The following CASP1 variants were observed in gnomAD, a reference collection of about 807,000 sequenced individuals.
CASP1 encodes the protein caspase 1.
In CASP1, 31 loss-of-function variants were observed where a neutral mutation model predicts 41.2. The observed-to-expected ratio is 0.75, with a 90% CI of 0.57 to 1.02. The LOEUF is 1.02. CASP1 is among the 50% of genes least tolerant of loss of function. The pLI is 0.00. For synonymous variants in CASP1, 163 were observed against 166.5 expected (o/e 0.98, Z 0.16); for missense variants, 490 against 495.7 (o/e 0.99, Z 0.11).
At chr11:105,035,618 G>GTTTTTTTTTTTTTTTTTTTTTTTTTTTT (rs56746743), upstream of CASP1, among the ~76,000 whole-genome samples, 24 of 103,418 alleles carry the variant, frequency 2.3e-4, no homozygotes, top group Non-Finnish European at 3.1e-4. Context: ...TTTTCTTTCT[G>GTTTTTTTTTTTTTTTTTTTTTTTTTTTT]TTTTTTTTTT....
chr11:105,026,723 T>G (rs1863314523), intron 8 of CASP1, 119 bp downstream of exon 8: 3 of 669,276 alleles, frequency 4.5e-6, no homozygotes, highest in Non-Finnish European at 8.0e-6. Context: ...CCAAAACTCT[T>G]TTGGAAAGAA....
At chr11:105,030,917 G>C (rs1445067450) in intron 4 of CASP1, 1 of 443,080 alleles carries the variant, frequency 2.3e-6, no homozygotes, top group African/African-American at 2.0e-5. Context: ...TTAGAACAAT[G>C]CCCATTCTTA....
In CASP1 at chr11:105,030,012, C is replaced by T; in HGVS notation, c.628-113G>A. The T allele has an allele frequency of 1.0e-5, 9 of 860,948 alleles. No individual in the cohort carries two copies. The South Asian group carries it at 1.5e-4, about 14-fold the overall frequency. The allele number at this position is 860,948 out of a possible 1,614,324, so 53.3% of individuals were successfully genotyped here. A position where few individuals can be genotyped will look rare whatever the true frequency, so the allele number is the denominator to read the frequency against. On this transcript the variant is annotated intron_variant, in intron 5 of 8. Transcript: ENST00000533400. Reference sequence around the variant, plus strand: ...TCTTAAGGAATTCCGTGACAAACAACAGGGTGCCAAAAAAAAATTTAGTCT... The same window carrying T: ...TCTTAAGGAATTCCGTGACAAACAATAGGGTGCCAAAAAAAAATTTAGTCT...
intron 2 of CASP1, chr11:105,033,770 G>T: frequency 2.5e-6 from 1 of 399,036 alleles, no homozygotes; most frequent in Non-Finnish European, 4.9e-6. Context: ...TCTTTTGGGA[G>T]GGTAAAATTT....
intron 2 of CASP1, chr11:105,033,870 T>C (rs762510937): frequency 1.6e-6 from 1 of 624,818 alleles, no homozygotes; most frequent in Non-Finnish European, 3.0e-6. Context: ...CCCCTTGCAC[T>C]CAGCAAAAAT....
chr11:105,028,878 G>A (rs1002984865), intron 7 of CASP1, among the ~76,000 whole-genome samples: 5 of 152,104 alleles, frequency 3.3e-5, no homozygotes, highest in South Asian at 2.1e-4. Flanking sequence ...AGCACATACC[G>A]TCTTCCATTT....
At position 105,034,467 on chromosome 11, in the gene CASP1, G is replaced by A. The variant is rs761161173; in HGVS notation, c.15C>T (p.Val5=). 6.2e-7 allele frequency: 1 copy of A among 1,613,956 alleles called. No individual in the cohort carries two copies. Among genetic ancestry groups the A allele is most frequent in the Non-Finnish European group, 8.5e-7 (1 of 1,179,936 alleles). ...TAAACAGCTTTCTCTTCTCCTTCAG[G>A]ACCTTGTCTGTTTAGAGCACAAGGA... The part of the protein sequence containing the change: MADK[V]LKEKRKLFIR... The change falls in exon 2 of 9, where the codon GTC becomes GTT. Residue 5 remains valine, a synonymous_variant. Coordinates refer to ENST00000533400, the MANE Select transcript of CASP1 (RefSeq NM_001257118.3).
In CASP1 at chr11:105,034,985, C is replaced by G. The variant is rs188332258; in HGVS notation, c.7+122G>C. On this transcript the variant is annotated intron_variant, in intron 1 of 8. Coordinates refer to ENST00000533400, the MANE Select transcript of CASP1 (RefSeq NM_001257118.3). Reference sequence around the variant, plus strand: ...AGTTCCTTCTCTCCTCCCTCTCCCCCCTTTTCCTTGCTTCTACTCAAGTAA... The same window carrying G: ...AGTTCCTTCTCTCCTCCCTCTCCCCGCTTTTCCTTGCTTCTACTCAAGTAA... 2.6e-5 allele frequency: 33 copies of G among 1,280,560 alleles called. No individual in the cohort carries two copies. In the Admixed American group the frequency reaches 2.8e-4, roughly 11 times the overall value. The allele number at this position is 1,280,560 out of a possible 1,614,324, so 79.3% of individuals were successfully genotyped here.
chr11:105,034,688 T>C (rs951779839), intron 1 of CASP1: 2 of 760,528 alleles, frequency 2.6e-6, no homozygotes, highest in African/African-American at 3.5e-5. Context: ...GAGTTTACCA[T>C]TTCCACATCA....
chr11:105,034,256 T>G lies in CASP1; in HGVS notation c.226A>C (p.Ile76Leu). ...AQACQICITY[I>L]CEEDSYLAGT... ...GCCAGGTAACTGTCTTCTTCACAAA[T>G]GTATGTGATGCAAATTTGGCATGCC... Residue 76 changes from isoleucine to leucine, a missense_variant, in exon 2 of 9, where the codon ATT becomes CTT. Physicochemically the swap from Ile to Leu is conservative, Grantham distance 5. Coordinates refer to ENST00000533400, the MANE Select transcript of CASP1 (RefSeq NM_001257118.3). 6.2e-7 allele frequency: 1 copy of G among 1,614,130 alleles called. No individual in the cohort carries two copies. The highest frequency in any genetic ancestry group is 1.1e-5 in the South Asian group (1 of 91,086).
chr11:105,033,512 A>AGGTCCAAGTGGTC (rs1863824051), intron 2 of CASP1, among the ~76,000 whole-genome samples: 2 of 152,304 alleles, frequency 1.3e-5, no homozygotes, highest in South Asian at 4.1e-4. Context: ...ACCACGTGGT[A>AGGTCCAAGTGGTC]GGTCCAAGTG....
chr11:105,029,890 T>C lies in CASP1; in HGVS notation c.637A>G (p.Thr213Ala), dbSNP rs773089353. The C allele has an allele frequency of 5.6e-6, 9 of 1,611,768 alleles. No individual in the cohort carries two copies. The highest frequency in any genetic ancestry group is 4.2e-6 in the Non-Finnish European group (5 of 1,177,932). ...CGGTGTGCAAATGCCTCCAGCTCTG[T>C]AGTCATGTCCTGAAAGACACCATAT... ...KKNLTASDMT[T>A]ELEAFAHRPE... The change falls in exon 6 of 9, where the codon ACA becomes GCA. Residue 213 changes from threonine to alanine, a missense_variant. Coordinates refer to ENST00000533400, the MANE Select transcript of CASP1 (RefSeq NM_001257118.3).
intron 2 of CASP1, 51 bp downstream of exon 2, chr11:105,034,157 G>A (rs1177845660): frequency 6.2e-7 from 1 of 1,612,940 alleles, no homozygotes; most frequent in Non-Finnish European, 8.5e-7. Context: ...TCAAATGTTA[G>A]GCACGAAGAC....
chr11:105,029,081 A>G, intron 7 of CASP1, 43 bp downstream of exon 7: 4 of 1,581,390 alleles, frequency 2.5e-6, no homozygotes, highest in African/African-American at 2.7e-5. Flanking sequence ...CACTTTTTCT[A>G]TTGATAGCCC....
chr11:105,031,743 A>G (rs1296731500), intron 3 of CASP1, among the ~76,000 whole-genome samples: 2 of 152,166 alleles, frequency 1.3e-5, no homozygotes, highest in Non-Finnish European at 1.5e-5. Flanking sequence ...CTTAATATAC[A>G]TGGTAGTAAG....
chr11:105,036,682 G>A (rs981472622), upstream of CASP1, among the ~76,000 whole-genome samples: 1 of 152,144 alleles, frequency 6.6e-6, no homozygotes, highest in Non-Finnish European at 1.5e-5. Flanking sequence ...GTGGAACTGT[G>A]AGTCTATTAA....
Position 105,033,109 on chromosome 11 carries a change from A to G in CASP1, c.292T>C (p.Tyr98His), listed in dbSNP as rs752617184. The change falls in exon 3 of 9, where the codon TAC becomes CAC. Residue 98 changes from tyrosine to histidine, a missense_variant. Transcript: ENST00000533400. The stretch of plus-strand genomic sequence containing the variant: ...CCTTGAGAGTCTTGCATATTAAGGT[A>G]ATTTCCAGATGTTTGATCTATGAAA... ...GLSADQTSGN[Y>H]LNMQDSQGVL... is the part of the protein sequence containing the mutation. 3 of 1,583,494 alleles carry G rather than the reference A, an allele frequency of 1.9e-6. No individual in the cohort carries two copies. The highest frequency in any genetic ancestry group is 2.6e-6 in the Non-Finnish European group (3 of 1,154,468).
chr11:105,032,916 T>C (rs968488409), intron 3 of CASP1, 148 bp downstream of exon 3: 2 of 606,854 alleles, frequency 3.3e-6, no homozygotes, highest in South Asian at 3.8e-5. Flanking sequence ...AAACAGTTTC[T>C]ACAAAAGCAG....
At chr11:105,027,261 G>A (rs1863367677) in intron 7 of CASP1, 1 of 557,966 alleles carries the variant, frequency 1.8e-6, no homozygotes, top group East Asian at 2.9e-5. Flanking sequence ...TCACGCAAGT[G>A]TTTGAGATAA....
Sources: allele counts gnomAD v4.1 joint callset (sites outside exome capture counted in the v4.1 genomes callset), GRCh38; gene constraint gnomAD v4.1.1; transcripts MANE v1.5; gene names NCBI Gene and HGNC (gene_info 2026-07-23, HGNC 2026-07-21).